PKD2L2: variants seen among roughly 807,000 people sequenced by gnomAD.
The protein encoded by PKD2L2 is polycystin-2-like protein 2.
PKD2L2 carries 67 observed loss-of-function variants against 83.9 expected under a neutral mutation model. The ratio of observed to expected loss-of-function variants is 0.80; its 90% confidence interval spans 0.66 to 0.98. PKD2L2 has a LOEUF of 0.98. Ranked by LOEUF, PKD2L2 falls within the 50% of genes least tolerant of loss-of-function variation. PKD2L2 has a pLI of 0.00. For synonymous variants in PKD2L2, 223 were observed against 237.8 expected, an observed-to-expected ratio of 0.94 and a Z score of 0.57; for missense variants, 632 against 717.2, an observed-to-expected ratio of 0.88 and a Z score of 1.36.
chr5:137,920,881 T>C (rs1758836205), intron 8 of PKD2L2, among the ~76,000 whole-genome samples: 1 of 152,040 alleles, frequency 6.6e-6, no homozygotes, highest in Non-Finnish European at 1.5e-5. Context: ...AATTTAAGAG[T>C]TGGTTAAGAC....
At chr5:137,935,035 T>C (rs932606757) in intron 12 of PKD2L2, among the ~76,000 whole-genome samples, 12 of 152,222 alleles carry the variant, frequency 7.9e-5, no homozygotes, top group Non-Finnish European at 1.5e-4. Flanking sequence ...ATAACCCTTA[T>C]AAAGGGATCC....
Position 137,908,756 on chromosome 5 carries a change from CT to C in PKD2L2, c.1147-4del. 1.4e-6 allele frequency: 2 copies of C among 1,431,488 alleles called. No homozygotes were observed. The highest frequency in any genetic ancestry group is 1.9e-6 in the Non-Finnish European group (2 of 1,043,006). The allele number at this position is 1,431,488 out of a possible 1,614,324, so 88.7% of individuals were successfully genotyped here. A position where few individuals can be genotyped will look rare whatever the true frequency, so the allele number is the denominator to read the frequency against. Reference sequence around the variant, plus strand: ...TTCTCCTATTTCAATTAACTTTGTTCTTTTTCAGATATTCAAATTCATAAGC... The same window carrying C: ...TTCTCCTATTTCAATTAACTTTGTTCTTTTCAGATATTCAAATTCATAAGC... On this transcript the variant is annotated splice_polypyrimidine_tract_variant and splice_region_variant and intron_variant, in intron 7 of 14. Transcript: ENST00000508883.
At chr5:137,941,699 C>G (rs1329252907) in intron 14 of PKD2L2, among the ~76,000 whole-genome samples, 3 of 152,200 alleles carry the variant, frequency 2.0e-5, no homozygotes, top group African/African-American at 2.4e-5. Flanking sequence ...TATAAAATCA[C>G]TGCAATACAA....
At chr5:137,928,807 C>T (rs1438272831) in intron 12 of PKD2L2, among the ~76,000 whole-genome samples, 12 of 152,038 alleles carry the variant, frequency 7.9e-5, no homozygotes, top group African/African-American at 2.2e-4. Context: ...TGGCCTTGAG[C>T]GATCCTCCCG....
chr5:137,916,475 CTT>C (rs1169529107), intron 8 of PKD2L2, among the ~76,000 whole-genome samples: 6 of 93,202 alleles, frequency 6.4e-5, no homozygotes, highest in African/African-American at 1.7e-4. Flanking sequence ...CACTTTTCTT[CTT>C]TTTTTTTTTT....
intron 1 of PKD2L2, chr5:137,890,108 C>A (rs1755821014): frequency 5.9e-6 from 1 of 168,760 alleles, no homozygotes; most frequent in African/African-American, 2.4e-5. Flanking sequence ...CATGGTGAAA[C>A]CCCATCTCTA....
At chr5:137,897,225 T>G (rs1272391652) in intron 4 of PKD2L2, among the ~76,000 whole-genome samples, 1 of 151,542 alleles carries the variant, frequency 6.6e-6, no homozygotes, top group Non-Finnish European at 1.5e-5. Context: ...CCCAGATAAT[T>G]TTTGTGTTTT....
chr5:137,892,755 C>A, intron 3 of PKD2L2, 142 bp downstream of exon 3: 1 of 699,204 alleles, frequency 1.4e-6, no homozygotes, highest in Non-Finnish European at 2.3e-6. Context: ...AAACAACCAA[C>A]CAGTAAGTGT....
In PKD2L2 at chr5:137,921,618, T is replaced by G. The variant is rs780029009; in HGVS notation, c.1329-18T>G. 6.6e-7 allele frequency: 1 copy of G among 1,516,862 alleles called. No individual in the cohort carries two copies. The highest frequency in any genetic ancestry group is 9.1e-7 in the Non-Finnish European group (1 of 1,101,370). 94.0% of individuals were successfully genotyped at this position (1,516,862 alleles called of 1,614,324 possible). ...GTACATAAAGGTATATATTTTCTAC[T>G]GTTTTTCTTTCTTAAAGATTTGCAC... is the stretch of plus-strand genomic sequence containing the variant. On this transcript the variant is annotated intron_variant, in intron 8 of 14. Coordinates refer to ENST00000508883, the MANE Select transcript of PKD2L2 (RefSeq NM_001300921.2).
Position 137,908,875 on chromosome 5 carries a change from T to C in PKD2L2, c.1257T>C (p.Phe419=). 6.2e-7 allele frequency: 1 copy of C among 1,608,796 alleles called. No homozygotes were observed. The highest frequency in any genetic ancestry group is 1.1e-5 in the South Asian group (1 of 90,604). The change falls in exon 8 of 15, where the codon TTT becomes TTC. Residue 419 remains phenylalanine (F), a synonymous_variant. Coordinates refer to ENST00000508883, the MANE Select transcript of PKD2L2 (RefSeq NM_001300921.2). ...GFAIMFFIIF[F]AYAQLGFLVF... ...CCATCATGTTTTTTATAATATTCTT[T>C]GCTTATGCCCAGTTAGGATTTCTTG...
At chr5:137,927,205 C>T (rs1759447174) in intron 12 of PKD2L2, among the ~76,000 whole-genome samples, 1 of 152,150 alleles carries the variant, frequency 6.6e-6, no homozygotes, top group South Asian at 2.1e-4. Flanking sequence ...AGTCTAACAG[C>T]ACCTTAATCA....
At chr5:137,891,807 C>T (rs188440060) in intron 2 of PKD2L2, among the ~76,000 whole-genome samples, 5 of 152,116 alleles carry the variant, frequency 3.3e-5, no homozygotes, top group Non-Finnish European at 5.9e-5. Flanking sequence ...CCTCAGCCTC[C>T]GGAGTAGCTG....
At chr5:137,894,979 T>C (rs749064706) in intron 4 of PKD2L2, among the ~76,000 whole-genome samples, 1 of 152,130 alleles carries the variant, frequency 6.6e-6, no homozygotes, top group Non-Finnish European at 1.5e-5. Flanking sequence ...GTGGGTGTCT[T>C]AGGTGTGCTC....
chr5:137,913,234 A>G (rs1353340829), intron 8 of PKD2L2, among the ~76,000 whole-genome samples: 10 of 135,192 alleles, frequency 7.4e-5, no homozygotes, highest in African/African-American at 2.8e-4. Context: ...CCCAAGGTGG[A>G]GTGCAGTGGC....
At chr5:137,931,007 TA>T (rs1441476578) in intron 12 of PKD2L2, among the ~76,000 whole-genome samples, 10 of 152,004 alleles carry the variant, frequency 6.6e-5, no homozygotes, top group Non-Finnish European at 1.5e-4. Flanking sequence ...ACATACAAAG[TA>T]AGAAATTACA....
At chr5:137,928,276 C>A (rs1376212270) in intron 12 of PKD2L2, among the ~76,000 whole-genome samples, 23 of 144,256 alleles carry the variant, frequency 1.6e-4, no homozygotes, top group Admixed American at 1.5e-3. Flanking sequence ...AGAGGCTGGG[C>A]GAGCTGGCTC....
At chr5:137,916,178 CCTCA>C (rs1400794731) in intron 8 of PKD2L2, among the ~76,000 whole-genome samples, 7 of 151,548 alleles carry the variant, frequency 4.6e-5, no homozygotes, top group African/African-American at 1.7e-4. Context: ...CTCATTTCTC[CCTCA>C]CTTTTTTTTT....
intron 14 of PKD2L2, chr5:137,939,945 C>T (rs1249424735): frequency 7.3e-7 from 1 of 1,373,372 alleles, no homozygotes; most frequent in Admixed American, 3.4e-5. Flanking sequence ...CAGTCTTTTG[C>T]TAAAAGGATG....
chr5:137,932,194 C>T (rs1759931063), intron 12 of PKD2L2, among the ~76,000 whole-genome samples: 1 of 151,758 alleles, frequency 6.6e-6, no homozygotes. Context: ...CTAAAAAATA[C>T]AAAATTAGCC....
Sources: allele counts gnomAD v4.1 joint callset (sites outside exome capture counted in the v4.1 genomes callset), GRCh38; gene constraint gnomAD v4.1.1; transcripts MANE v1.5; gene names NCBI Gene and HGNC (gene_info 2026-07-23, HGNC 2026-07-21).